DOCK4: variants seen among roughly 807,000 people sequenced by gnomAD.
DOCK4 encodes dedicator of cytokinesis 4.
Under a neutral mutation model 268.1 loss-of-function variants are expected in DOCK4, and 97 were observed. The observed-to-expected ratio is 0.36, with a 90% CI of 0.31 to 0.43. DOCK4 has a LOEUF of 0.43. Ranked by LOEUF, DOCK4 falls within the 20% of genes least tolerant of loss-of-function variation. The pLI, the probability that DOCK4 is intolerant of heterozygous loss-of-function variation, is 1.00. For synonymous variants in DOCK4, 954 were observed against 887.2 expected, an observed-to-expected ratio of 1.08 and a Z score of -1.34; for missense variants, 2,145 against 2,455.7, an observed-to-expected ratio of 0.87 and a Z score of 2.67.
chr7:112,152,873 C>G (rs886661222), intron 1 of DOCK4, among the ~76,000 whole-genome samples: 7 of 152,058 alleles, frequency 4.6e-5, no homozygotes, highest in Non-Finnish European at 8.8e-5. Flanking sequence ...GAAAAAAAAC[C>G]GAACATTTCT....
intron 47 of DOCK4, chr7:111,740,149 G>T: frequency 2.3e-6 from 1 of 431,094 alleles, no homozygotes; most frequent in Non-Finnish European, 4.6e-6. Context: ...GCCCAGGCTG[G>T]AGTGCAGTGA....
At chr7:111,840,707 T>G (rs1803612864) in intron 25 of DOCK4, 1 of 910,774 alleles carries the variant, frequency 1.1e-6, no homozygotes, top group Non-Finnish European at 1.4e-6. Context: ...ATCATGGTGC[T>G]TACAGAGCAC....
intron 1 of DOCK4, among the ~76,000 whole-genome samples, chr7:112,193,484 AACT>A (rs1481222928): frequency 6.6e-6 from 1 of 151,974 alleles, no homozygotes; most frequent in Non-Finnish European, 1.5e-5. Context: ...CTATAGTCCC[AACT>A]ACTGAGAAGG....
chr7:111,892,823 C>T (rs1471036015), intron 16 of DOCK4, among the ~76,000 whole-genome samples: 1 of 152,040 alleles, frequency 6.6e-6, no homozygotes, highest in East Asian at 1.9e-4. Context: ...TTTGTTGGCT[C>T]AGTAGTATGA....
chr7:111,848,057 A>G (rs568439413), intron 23 of DOCK4, among the ~76,000 whole-genome samples: 1 of 152,246 alleles, frequency 6.6e-6, no homozygotes, highest in South Asian at 2.1e-4. Flanking sequence ...GACCCTTTCA[A>G]TCTATACACT....
chr7:112,081,196 C>T lies in DOCK4; in HGVS notation c.38-77065G>A, dbSNP rs529305287. On this transcript the variant is annotated intron_variant, in intron 1 of 52. Coordinates refer to ENST00000428084, the MANE Select transcript of DOCK4 (RefSeq NM_001363540.2). ...AGGAACCCGCAGTCAGACAGGAATG[C>T]GAATCCTGTGGGCAATTCAAGGAAG... is the stretch of plus-strand genomic sequence containing the variant. Among the ~76,000 whole-genome samples, 429 of 152,120 alleles carry T rather than the reference C, an allele frequency of 2.8e-3. 2 individuals carry two copies. Among genetic ancestry groups the T allele is most frequent in the Non-Finnish European group, 1.9e-3 (126 of 67,996 alleles).
At chr7:112,052,071 A>G (rs1805408437) in intron 1 of DOCK4, among the ~76,000 whole-genome samples, 1 of 152,174 alleles carries the variant, frequency 6.6e-6, no homozygotes, top group South Asian at 2.1e-4. Context: ...ATCCCCCCAT[A>G]TACTTTAAAT....
chr7:111,739,807 G>C, intron 47 of DOCK4: 1 of 360,494 alleles, frequency 2.8e-6, no homozygotes. Context: ...CGTCTAAAAG[G>C]CATAAAATAT....
chr7:112,055,986 A>G (rs542473512), intron 1 of DOCK4, among the ~76,000 whole-genome samples: 1 of 152,280 alleles, frequency 6.6e-6, no homozygotes, highest in African/African-American at 2.4e-5. Flanking sequence ...TAAGATAAAA[A>G]CAAAGGGCTA....
At chr7:111,871,937 GA>G in intron 20 of DOCK4, 52 bp downstream of exon 20, 1 of 1,411,036 alleles carries the variant, frequency 7.1e-7, no homozygotes, top group Non-Finnish European at 9.5e-7. Flanking sequence ...CTTCTGCTGA[GA>G]AAAGCTTGAA....
At chr7:112,197,694 T>G in intron 1 of DOCK4, among the ~76,000 whole-genome samples, 1 of 152,306 alleles carries the variant, frequency 6.6e-6, no homozygotes, top group East Asian at 1.9e-4. Context: ...TTGGGGTCTG[T>G]CATGTTAAAA....
chr7:111,736,051 T>A (rs1050088400), intron 50 of DOCK4, among the ~76,000 whole-genome samples: 1 of 152,230 alleles, frequency 6.6e-6, no homozygotes, highest in Admixed American at 6.5e-5. Flanking sequence ...GATGAACATG[T>A]GACTTGTAAC....
intron 1 of DOCK4, among the ~76,000 whole-genome samples, chr7:112,054,443 G>A (rs964251073): frequency 6.6e-6 from 1 of 152,002 alleles, no homozygotes; most frequent in African/African-American, 2.4e-5. Flanking sequence ...AGAAATCTTA[G>A]CATTAAAATA....
intron 1 of DOCK4, among the ~76,000 whole-genome samples, chr7:112,122,442 A>C (rs1812819311): frequency 6.6e-6 from 1 of 151,842 alleles, no homozygotes; most frequent in Non-Finnish European, 1.5e-5. Context: ...TCTTCTTCTT[A>C]TTTTTAATAA....
intron 30 of DOCK4, among the ~76,000 whole-genome samples, chr7:111,804,831 C>T (rs1800557856): frequency 6.6e-6 from 1 of 152,126 alleles, no homozygotes; most frequent in Non-Finnish European, 1.5e-5. Context: ...AACTCCTGAC[C>T]TCACGTGATC....
intron 1 of DOCK4, among the ~76,000 whole-genome samples, chr7:112,045,658 A>G (rs1804763577): frequency 6.6e-6 from 1 of 152,358 alleles, no homozygotes; most frequent in South Asian, 2.1e-4. Context: ...CACTTGCCTG[A>G]AAGATAGTAA....
At chr7:111,739,101 T>C (rs1795709702) in intron 49 of DOCK4, 33 bp downstream of exon 49, 1 of 1,572,186 alleles carries the variant, frequency 6.4e-7, no homozygotes, top group Admixed American at 1.7e-5. Context: ...GAATTGTCCT[T>C]GTTTTCTAGT....
At chr7:111,909,594 C>G (rs779706730) in intron 13 of DOCK4, among the ~76,000 whole-genome samples, 1 of 152,186 alleles carries the variant, frequency 6.6e-6, no homozygotes, top group African/African-American at 2.4e-5. Flanking sequence ...ATAAAATAAA[C>G]AAATAAATCC....
chr7:112,202,375 G>C (rs1821019728), intron 1 of DOCK4, among the ~76,000 whole-genome samples: 1 of 152,138 alleles, frequency 6.6e-6, no homozygotes, highest in African/African-American at 2.4e-5. Context: ...TTTTTATACA[G>C]CCATTCTAAC....
Sources: gnomAD v4.1 joint callset for allele counts (sites outside exome capture counted in the v4.1 genomes callset) on GRCh38, gnomAD v4.1.1 for gene constraint, MANE v1.5 for transcripts, NCBI Gene and HGNC (gene_info 2026-07-23, HGNC 2026-07-21) for gene names.